Variants in SUGT1 observed in about 807,000 individuals in gnomAD.
SUGT1 encodes the protein SGT1 assembly cochaperone of MIS12 kinetochore complex, also known as protein SGT1 homolog.
Under a neutral mutation model 56.1 loss-of-function variants are expected in SUGT1, and 15 were observed. The ratio of observed to expected loss-of-function variants is 0.27; its 90% CI spans 0.18 to 0.41. SUGT1 has a LOEUF of 0.41. Ranked by LOEUF, SUGT1 falls within the 10% of genes least tolerant of loss-of-function variation. The probability of loss-of-function intolerance (pLI) is 1.00; values close to 1 mark genes in which losing one functional copy is unlikely to be tolerated. For missense variants in SUGT1, 347 were observed against 382.2 expected (o/e 0.91, Z 0.77); for synonymous variants, 123 against 128.6 (o/e 0.96, Z 0.30).
At chr13:52,662,615 A>G (rs752031074) in intron 5 of SUGT1, 34 bp from the exon 6 acceptor site, 1 of 1,608,974 alleles carries the variant, frequency 6.2e-7, no homozygotes, top group East Asian at 2.2e-5. Context: ...GGTTGTGCAG[A>G]TGAGTGATGT....
intron 5 of SUGT1, among the ~76,000 whole-genome samples, chr13:52,660,127 C>T (rs1324125497): frequency 2.6e-5 from 4 of 151,876 alleles, no homozygotes; most frequent in African/African-American, 9.7e-5. Flanking sequence ...CTGCACCCAG[C>T]CGAGAGCCAA....
Position 52,676,217 on chromosome 13 carries a change from G to A in SUGT1, c.628-13G>A, listed in dbSNP as rs771708531. On this transcript the variant is annotated splice_polypyrimidine_tract_variant and intron_variant, in intron 10 of 12. Transcript: ENST00000310528. ...TACGTCGAGTAATGGAGTTTATTTG[G>A]TGTTTCCTCCAGATTGAAATTAAAC... The A allele has an allele frequency of 1.2e-6, 2 of 1,601,842 alleles. No individual in the cohort carries two copies.
intron 5 of SUGT1, among the ~76,000 whole-genome samples, chr13:52,660,437 A>G (rs1189276218): frequency 3.3e-5 from 5 of 152,166 alleles, no homozygotes; most frequent in Admixed American, 2.0e-4. Flanking sequence ...CTGCCTAACA[A>G]AGAAGTATAT....
chr13:52,680,241 C>T (rs542789070), intron 12 of SUGT1, 86 bp downstream of exon 12: 48 of 1,292,336 alleles, frequency 3.7e-5, no homozygotes, highest in African/African-American at 3.6e-4. Context: ...GACCAAATTG[C>T]GTGTACTATA....
chr13:52,678,956 A>G (rs182798777), intron 11 of SUGT1, among the ~76,000 whole-genome samples: 1 of 152,118 alleles, frequency 6.6e-6, no homozygotes, highest in Non-Finnish European at 1.5e-5. Flanking sequence ...TGCTGGGATT[A>G]TAGGTGTGAG....
rs1293565797 is a variant in SUGT1 at position 52,698,664 on chromosome 13, G to C, written c.*10829G>C. Reference sequence around the variant, plus strand: ...TGCCCGGGCTGCTCTCTTAACTCCTGGCCTCAAGTAATCCTCTTGCCTTGG... The same window carrying C: ...TGCCCGGGCTGCTCTCTTAACTCCTCGCCTCAAGTAATCCTCTTGCCTTGG... On this transcript the variant is annotated 3_prime_UTR_variant, in exon 13 of 13. Transcript: ENST00000310528. The C allele has an allele frequency of 6.6e-6, 1 of 152,296 alleles. No homozygotes were observed. The highest frequency in any genetic ancestry group is 1.9e-4 in the East Asian group (1 of 5,194). 9.4% of individuals were successfully genotyped at this position (152,296 alleles called of 1,614,324 possible).
intron 7 of SUGT1, among the ~76,000 whole-genome samples, chr13:52,663,349 G>A (rs545440807): frequency 2.0e-5 from 3 of 152,226 alleles, no homozygotes; most frequent in Admixed American, 1.3e-4. Context: ...AGTTGATTTC[G>A]TGTGTTTTAA....
chr13:52,670,209 A>G (rs1019384614), intron 10 of SUGT1, among the ~76,000 whole-genome samples: 2 of 152,236 alleles, frequency 1.3e-5, no homozygotes, highest in Non-Finnish European at 2.9e-5. Flanking sequence ...TGAAAGTAGT[A>G]AGAGGTAAAA....
rs147480254 is a variant in SUGT1 at position 52,652,946 on chromosome 13, C to T, written c.26C>T (p.Ala9Val). The T allele has an allele frequency of 1.8e-5, 29 of 1,614,228 alleles. No individual in the cohort carries two copies. In the African/African-American group the frequency reaches 3.5e-4, roughly 19 times the overall value. The change falls in exon 1 of 13, where the codon GCA (alanine) becomes GTA (valine). Residue 9 changes from alanine to valine, a missense_variant. Ala to Val is a moderately conservative substitution (Grantham distance 64, BLOSUM62 0). Coordinates refer to ENST00000310528, the MANE Select transcript of SUGT1 (RefSeq NM_006704.5). ...ATGGCGGCGGCTGCAGCAGGAACTG[C>T]AACATCCCAGAGGTGCATGTTTTTC... MAAAAAGT[A>V]TSQRFFQSFS...
intron 12 of SUGT1, among the ~76,000 whole-genome samples, chr13:52,680,909 T>C (rs1447665252): frequency 6.6e-6 from 1 of 152,166 alleles, no homozygotes; most frequent in Non-Finnish European, 1.5e-5. Flanking sequence ...TGGCGTGATC[T>C]CGGCTCACTG....
In SUGT1 at chr13:52,692,917, A is replaced by G. The variant is rs1594265502; in HGVS notation, c.*5082A>G. Reference sequence around the variant, plus strand: ...ACTTTTAACAACTGTTGCATGTGTAAGAAGACTGGTACATGATGCCAATGA... The same window carrying G: ...ACTTTTAACAACTGTTGCATGTGTAGGAAGACTGGTACATGATGCCAATGA... On this transcript the variant is annotated 3_prime_UTR_variant, in exon 13 of 13. Transcript: ENST00000310528. 1 of 152,210 alleles carries G rather than the reference A, an allele frequency of 6.6e-6. No homozygotes were observed. The highest frequency in any genetic ancestry group is 6.5e-5 in the Admixed American group (1 of 15,280). 9.4% of individuals were successfully genotyped at this position (152,210 alleles called of 1,614,324 possible). A position where few individuals can be genotyped will look rare whatever the true frequency, so the allele number is the denominator to read the frequency against.
At position 52,666,832 on chromosome 13, in the gene SUGT1, T is replaced by C. The variant is rs1056984402; in HGVS notation, c.540T>C (p.Leu180=). The change falls in exon 10 of 13, where the codon CTT becomes CTC. Residue 180 remains leucine (L), a synonymous_variant. Transcript: ENST00000310528. Reference sequence around the variant, plus strand: ...ATTAGTTGTCTGCTTTGGTTAAACTTCCTTCTGGAGAGGATTACAATTTGA... The same window carrying C: ...ATTAGTTGTCTGCTTTGGTTAAACTCCCTTCTGGAGAGGATTACAATTTGA... ...SEKELSALVK[L]PSGEDYNLKL... The C allele has an allele frequency of 1.9e-6, 3 of 1,613,102 alleles. No homozygotes were observed. The African/African-American group carries it at 4.0e-5, about 22-fold the overall frequency.
intron 12 of SUGT1, among the ~76,000 whole-genome samples, chr13:52,683,775 G>T (rs1264061443): frequency 6.6e-6 from 1 of 152,104 alleles, no homozygotes; most frequent in Admixed American, 6.6e-5. Context: ...GTTTTTATAG[G>T]ACTGTTCCAA....
intron 10 of SUGT1, among the ~76,000 whole-genome samples, chr13:52,669,658 G>A (rs1025058760): frequency 6.6e-6 from 1 of 151,936 alleles, no homozygotes. Context: ...GTGTCCTAAA[G>A]AATTATTATT....
At chr13:52,679,693 T>G (rs904982211) in intron 11 of SUGT1, among the ~76,000 whole-genome samples, 2 of 152,244 alleles carry the variant, frequency 1.3e-5, no homozygotes, top group Admixed American at 6.5e-5. Flanking sequence ...AAGAATCTGC[T>G]TTTAATCTAA....
At chr13:52,678,766 C>T (rs1963251974) in intron 11 of SUGT1, among the ~76,000 whole-genome samples, 1 of 86,814 alleles carries the variant, frequency 1.2e-5, no homozygotes, top group African/African-American at 4.5e-5. Flanking sequence ...GTAGCCTCAA[C>T]CTCCTGGACT....
intron 11 of SUGT1, among the ~76,000 whole-genome samples, chr13:52,678,738 G>A (rs901952273): frequency 6.6e-6 from 1 of 150,728 alleles, no homozygotes; most frequent in Non-Finnish European, 1.5e-5. Flanking sequence ...GAATGCAGTG[G>A]CACTGTCATG....
At chr13:52,681,635 T>C (rs1337163625) in intron 12 of SUGT1, among the ~76,000 whole-genome samples, 1 of 151,762 alleles carries the variant, frequency 6.6e-6, no homozygotes, top group African/African-American at 2.4e-5. Flanking sequence ...CAGGATCCCT[T>C]GAGGCTAGAC....
Position 52,658,482 on chromosome 13 carries a change from A to C in SUGT1, c.257+14A>C, listed in dbSNP as rs776893454. ...GCTGAGAAAAGGGTATGCAGTAGCTACTCTTCTTGTTGAGCTTGGTATAGA... is the reference window on the plus strand; with the variant it reads ...GCTGAGAAAAGGGTATGCAGTAGCTCCTCTTCTTGTTGAGCTTGGTATAGA... On this transcript the variant is annotated intron_variant, in intron 4 of 12. Transcript: ENST00000310528. 5 of 1,604,510 alleles carry C rather than the reference A, an allele frequency of 3.1e-6. No individual in the cohort carries two copies. The highest frequency in any genetic ancestry group is 1.3e-5 in the African/African-American group (1 of 74,382).
Sources: allele counts gnomAD v4.1 joint callset (sites outside exome capture counted in the v4.1 genomes callset), GRCh38; gene constraint gnomAD v4.1.1; transcripts MANE v1.5; gene names NCBI Gene and HGNC (gene_info 2026-07-23, HGNC 2026-07-21).